KCNAB2: variants seen among roughly 807,000 people sequenced by gnomAD.
KCNAB2 encodes potassium voltage-gated channel subfamily A regulatory beta subunit 2.
In KCNAB2, 29 loss-of-function variants were observed where a neutral mutation model predicts 63.6. The observed-to-expected ratio is 0.46, with a 90% CI of 0.34 to 0.62. The LOEUF is 0.62. Ranked by LOEUF, KCNAB2 falls within the 20% of genes least tolerant of loss-of-function variation. The pLI, the probability that KCNAB2 is intolerant of heterozygous loss-of-function variation, is 0.01. For missense variants in KCNAB2, 359 were observed against 563.9 expected, an observed-to-expected ratio of 0.64 and a Z score of 3.68; for synonymous variants, 222 against 224.2, an observed-to-expected ratio of 0.99 and a Z score of 0.09.
intron 1 of KCNAB2, among the ~76,000 whole-genome samples, chr1:6,013,593 C>A (rs1658317770): frequency 6.6e-6 from 1 of 152,120 alleles, no homozygotes; most frequent in South Asian, 2.1e-4. Context: ...CCCACAACTC[C>A]CCTGTTTCAG....
chr1:6,025,641 G>C (rs1209189955), intron 1 of KCNAB2, among the ~76,000 whole-genome samples: 1 of 152,250 alleles, frequency 6.6e-6, no homozygotes, highest in Non-Finnish European at 1.5e-5. Context: ...AAAGTTGGGA[G>C]ATGGAGTGGC....
rs75368700 is a variant in KCNAB2, at chr1:6,061,723, A to G, written c.218+9969A>G. Among the ~76,000 whole-genome samples, 203 of 152,354 alleles carry G rather than the reference A, an allele frequency of 1.3e-3. 1 individual carries two copies. Among genetic ancestry groups the G allele is most frequent in the African/African-American group, 4.6e-3 (193 of 41,574 alleles). On this transcript the variant is annotated intron_variant, in intron 2 of 15. Transcript: ENST00000378083. ...CACCAATTTTCACAGATTATAACGG[A>G]ATATAATGTGCATAATGCAAAAATT...
chr1:6,008,832 T>TG (rs984392641), intron 1 of KCNAB2, among the ~76,000 whole-genome samples: 7 of 152,142 alleles, frequency 4.6e-5, no homozygotes, highest in Admixed American at 6.5e-5. Flanking sequence ...AGAGGTCACC[T>TG]GGGGGACTTG....
At chr1:6,036,417 C>T (rs1463427025) in intron 1 of KCNAB2, among the ~76,000 whole-genome samples, 24 of 152,252 alleles carry the variant, frequency 1.6e-4, no homozygotes, top group South Asian at 4.1e-4. Flanking sequence ...GCATGAGAAT[C>T]GCTTGAACCC....
At chr1:5,993,864 G>A (rs1656745698) in intron 1 of KCNAB2, among the ~76,000 whole-genome samples, 6 of 152,184 alleles carry the variant, frequency 3.9e-5, no homozygotes, top group Non-Finnish European at 8.8e-5. Flanking sequence ...CTGAAGGCAG[G>A]GGTCTTGACC....
chr1:6,052,381 G>A (rs1272473466), intron 2 of KCNAB2, among the ~76,000 whole-genome samples: 8 of 149,632 alleles, frequency 5.3e-5, no homozygotes, highest in South Asian at 2.1e-4. Flanking sequence ...AGCCGTGATC[G>A]CACCACTGCA....
intron 1 of KCNAB2, among the ~76,000 whole-genome samples, chr1:6,016,962 C>G (rs1482357645): frequency 6.6e-6 from 1 of 152,162 alleles, no homozygotes; most frequent in African/African-American, 2.4e-5. Flanking sequence ...AGAGGAAAAC[C>G]CAGCAGAATC....
At chr1:6,085,153 GT>G in intron 5 of KCNAB2, 50 bp from the exon 6 acceptor site, 3 of 1,605,676 alleles carry the variant, frequency 1.9e-6, no homozygotes, top group Non-Finnish European at 2.6e-6. Context: ...GTGGGTCTGG[GT>G]TTGATTTTTC....
upstream of KCNAB2, among the ~76,000 whole-genome samples, chr1:6,032,496 G>C (rs997420554): frequency 2.0e-5 from 3 of 151,512 alleles, no homozygotes; most frequent in African/African-American, 4.9e-5. Flanking sequence ...AGAATCACTT[G>C]AACCCAGGAG....
At chr1:6,070,770 A>T (rs11803421) in intron 2 of KCNAB2, among the ~76,000 whole-genome samples, 15,903 of 151,930 alleles carry the variant, frequency 0.1, 2,682 homozygotes, top group African/African-American at 0.36. Context: ...ACACTGAGGC[A>T]TCGGGCCACT....
chr1:6,036,816 A>T (rs570208455), intron 1 of KCNAB2, among the ~76,000 whole-genome samples: 2 of 152,016 alleles, frequency 1.3e-5, no homozygotes, highest in East Asian at 3.9e-4. Context: ...GTGGGAAGGG[A>T]GGAGCAGCGA....
At chr1:6,090,556 G>T (rs560591373) in intron 9 of KCNAB2, 81 bp downstream of exon 9, 1 of 1,099,056 alleles carries the variant, frequency 9.1e-7, no homozygotes, top group Non-Finnish European at 1.4e-6. Context: ...GAGGCCGCCA[G>T]CATGGGCCCT....
chr1:6,080,969 C>G (rs1244244949), intron 4 of KCNAB2, among the ~76,000 whole-genome samples: 1 of 152,166 alleles, frequency 6.6e-6, no homozygotes, highest in Non-Finnish European at 1.5e-5. Flanking sequence ...CTGAGCCGCA[C>G]CTGGGGAAGC....
In KCNAB2 at chr1:6,098,758, A is replaced by C. The variant is rs1488032243; in HGVS notation, c.*184A>C. On this transcript the variant is annotated 3_prime_UTR_variant, in exon 16 of 16. Transcript: ENST00000378083. ...ACACCACCCACTGCTTCGCCGGACA[A>C]TGTCGAAGTCCAGTCTGTGCCGGGG... 11 of 723,794 alleles carry C rather than the reference A, an allele frequency of 1.5e-5. No homozygotes were observed. In the Admixed American group the frequency reaches 2.0e-4, roughly 13 times the overall value. 44.8% of individuals were successfully genotyped at this position (723,794 alleles called of 1,614,324 possible). A position where few individuals can be genotyped will look rare whatever the true frequency, so the allele number is the denominator to read the frequency against.
chr1:5,999,447 T>TA (rs1557916009), intron 1 of KCNAB2, among the ~76,000 whole-genome samples: 1 of 152,186 alleles, frequency 6.6e-6, no homozygotes, highest in African/African-American at 2.4e-5. Flanking sequence ...CCTCTACTTC[T>TA]TAAGGAAGCA....
chr1:6,098,756 C>A lies in KCNAB2; in HGVS notation c.*182C>A. On this transcript the variant is annotated 3_prime_UTR_variant, in exon 16 of 16. Coordinates refer to ENST00000378083, the MANE Select transcript of KCNAB2 (RefSeq NM_001199862.2). ...AGACACCACCCACTGCTTCGCCGGA[C>A]AATGTCGAAGTCCAGTCTGTGCCGG... The A allele has an allele frequency of 1.3e-6, 1 of 744,586 alleles. No individual in the cohort carries two copies. Among genetic ancestry groups the A allele is most frequent in the Non-Finnish European group, 2.1e-6 (1 of 471,080 alleles). 46.1% of individuals were successfully genotyped at this position (744,586 alleles called of 1,614,324 possible). A position where few individuals can be genotyped will look rare whatever the true frequency, so the allele number is the denominator to read the frequency against.
At chr1:6,090,760 T>G (rs1173552419) in intron 9 of KCNAB2, among the ~76,000 whole-genome samples, 1 of 152,142 alleles carries the variant, frequency 6.6e-6, no homozygotes, top group Non-Finnish European at 1.5e-5. Flanking sequence ...AGAGCCGCAG[T>G]GGAACTGTCC....
chr1:6,055,725 G>T (rs1050239127), intron 2 of KCNAB2, among the ~76,000 whole-genome samples: 2 of 152,158 alleles, frequency 1.3e-5, no homozygotes, highest in East Asian at 3.9e-4. Context: ...AAGGTGGGGC[G>T]GGGAGGGTGG....
chr1:6,089,301 C>A (rs546729652), intron 8 of KCNAB2, among the ~76,000 whole-genome samples: 1 of 152,218 alleles, frequency 6.6e-6, no homozygotes, highest in Admixed American at 6.5e-5. Context: ...AGGTTTGGCC[C>A]CACACTGGCT....
Sources: allele counts gnomAD v4.1 joint callset (sites outside exome capture counted in the v4.1 genomes callset), GRCh38; gene constraint gnomAD v4.1.1; transcripts MANE v1.5; gene names NCBI Gene and HGNC (gene_info 2026-07-23, HGNC 2026-07-21).